MYO9A: variants seen among roughly 807,000 people sequenced by gnomAD.
MYO9A encodes myosin IXA, also known as unconventional myosin-IXa.
A neutral mutation model predicts 293.3 loss-of-function variants in MYO9A; 103 were observed. The ratio of observed to expected loss-of-function variants is 0.35; its 90% confidence interval spans 0.30 to 0.41. The LOEUF (loss-of-function observed/expected upper bound fraction) is 0.41. Among genes scored for constraint, MYO9A ranks in the 10% least tolerant of loss-of-function variants. The probability of loss-of-function intolerance (pLI) is 1.00; values close to 1 mark genes in which losing one functional copy is unlikely to be tolerated. For synonymous variants in MYO9A, 1,001 were observed against 1,035.7 expected (o/e 0.97, Z 0.64); for missense variants, 2,685 against 3,033.0 (o/e 0.89, Z 2.69).
intron 31 of MYO9A, among the ~76,000 whole-genome samples, chr15:71,876,354 CTT>C (rs2056685762): frequency 1.3e-5 from 2 of 149,838 alleles, no homozygotes; most frequent in Admixed American, 6.7e-5. Context: ...AAACCCCTGA[CTT>C]CATGATCCAC....
intron 13 of MYO9A, among the ~76,000 whole-genome samples, chr15:71,962,255 A>G (rs188808193): frequency 9.1e-4 from 139 of 152,328 alleles, no homozygotes; most frequent in Non-Finnish European, 1.6e-4. Context: ...TGGTAAGTAA[A>G]TCGCTCCAAG....
At chr15:71,999,783 C>A in intron 9 of MYO9A, 68 bp downstream of exon 9, 1 of 1,310,610 alleles carries the variant, frequency 7.6e-7, no homozygotes, top group Non-Finnish European at 1.1e-6. Flanking sequence ...TAAGAGAAAA[C>A]CCAAACTTCA....
intron 22 of MYO9A, 127 bp from the exon 23 acceptor site, chr15:71,901,467 A>G (rs2057481613): frequency 1.1e-6 from 1 of 915,182 alleles, no homozygotes; most frequent in Non-Finnish European, 1.6e-6. Flanking sequence ...TAAATGAAGT[A>G]CTGATAAATA....
chr15:71,914,730 G>A (rs4776581), intron 19 of MYO9A, among the ~76,000 whole-genome samples: 30,560 of 151,902 alleles, frequency 0.2, 3,311 homozygotes, highest in East Asian at 0.41. Context: ...CTTAATGGCC[G>A]ATTAGAAATA....
intron 12 of MYO9A, among the ~76,000 whole-genome samples, chr15:71,971,113 A>G (rs1490022581): frequency 2.0e-5 from 3 of 151,778 alleles, no homozygotes; most frequent in Non-Finnish European, 4.4e-5. Flanking sequence ...GTGAGCTGAG[A>G]TCGTGCCGCT....
chr15:71,890,702 C>G (rs546631466), intron 26 of MYO9A: 1 of 152,122 alleles, frequency 6.6e-6, no homozygotes, highest in South Asian at 2.1e-4. Flanking sequence ...CCTCCCACAG[C>G]AGGTAACAAC....
At chr15:71,884,775 T>C (rs2056971109) in intron 27 of MYO9A, among the ~76,000 whole-genome samples, 1 of 152,084 alleles carries the variant, frequency 6.6e-6, no homozygotes, top group Non-Finnish European at 1.5e-5. Flanking sequence ...TTAAAAAATT[T>C]TGAGTATGTA....
intron 18 of MYO9A, among the ~76,000 whole-genome samples, chr15:71,917,537 A>G (rs1456256929): frequency 6.6e-6 from 1 of 152,166 alleles, no homozygotes; most frequent in Non-Finnish European, 1.5e-5. Context: ...TCTGTCAAAA[A>G]CAAAAAACAA....
intron 39 of MYO9A, among the ~76,000 whole-genome samples, chr15:71,834,181 T>A (rs2054843960): frequency 6.6e-6 from 1 of 152,028 alleles, no homozygotes; most frequent in African/African-American, 2.4e-5. Flanking sequence ...CCAAAGAGGA[T>A]AAGAGACTAC....
At chr15:72,033,888 G>GA (rs2077956111) in intron 2 of MYO9A, among the ~76,000 whole-genome samples, 1 of 152,114 alleles carries the variant, frequency 6.6e-6, no homozygotes, top group Non-Finnish European at 1.5e-5. Flanking sequence ...AACAAAACTA[G>GA]AAAAGACACA....
intron 39 of MYO9A, among the ~76,000 whole-genome samples, chr15:71,841,810 G>GT (rs113118580): frequency 0.019 from 2,777 of 144,716 alleles, 34 homozygotes; most frequent in South Asian, 0.027. Flanking sequence ...TTTTTTTTTT[G>GT]TTTTTTTTGT....
chr15:71,974,103 AAAAC>A (rs371298200), intron 12 of MYO9A, among the ~76,000 whole-genome samples: 3,250 of 152,196 alleles, frequency 0.021, 109 homozygotes, highest in African/African-American at 0.075. Flanking sequence ...TGCCATTTAA[AAAAC>A]AAACAAACAA....
intron 1 of MYO9A, among the ~76,000 whole-genome samples, chr15:72,098,559 A>G (rs1227719675): frequency 6.6e-6 from 1 of 152,222 alleles, no homozygotes; most frequent in Non-Finnish European, 1.5e-5. Flanking sequence ...TTAAAGCAAT[A>G]CTTCATGGGA....
At chr15:72,072,016 G>A (rs1228941060) in intron 1 of MYO9A, among the ~76,000 whole-genome samples, 1 of 145,768 alleles carries the variant, frequency 6.9e-6, no homozygotes, top group Non-Finnish European at 1.5e-5. Flanking sequence ...AGGTTGCAGT[G>A]AGCCAAAATC....
At chr15:72,099,106 C>A (rs2150798376) in intron 1 of MYO9A, among the ~76,000 whole-genome samples, 2 of 152,208 alleles carry the variant, frequency 1.3e-5, no homozygotes, top group Middle Eastern at 6.8e-3. Flanking sequence ...TCAACCCTGG[C>A]AACACAGCCA....
intron 25 of MYO9A, among the ~76,000 whole-genome samples, chr15:71,896,538 G>C (rs961594762): frequency 6.6e-6 from 1 of 152,050 alleles, no homozygotes; most frequent in African/African-American, 2.4e-5. Context: ...CCAGCAATTT[G>C]GGGGGCAGAG....
chr15:71,999,750 T>C, intron 9 of MYO9A, 101 bp downstream of exon 9: 1 of 775,936 alleles, frequency 1.3e-6, no homozygotes, highest in Non-Finnish European at 2.0e-6. Context: ...CAAAACTTTT[T>C]GCCATTGTCA....
At chr15:71,878,796 G>C (rs570998692) in intron 30 of MYO9A, among the ~76,000 whole-genome samples, 30 of 141,872 alleles carry the variant, frequency 2.1e-4, no homozygotes, top group African/African-American at 7.3e-4. Flanking sequence ...ACCCAGGCTG[G>C]AGTGCAGTGG....
chr15:71,944,210 G>A (rs546502382), intron 15 of MYO9A, among the ~76,000 whole-genome samples: 91 of 152,046 alleles, frequency 6.0e-4, no homozygotes, highest in South Asian at 1.2e-3. Context: ...TCTTATTATT[G>A]TAGGAGTTTT....
Sources: allele counts gnomAD v4.1 joint callset (sites outside exome capture counted in the v4.1 genomes callset), GRCh38; gene constraint gnomAD v4.1.1; transcripts MANE v1.5; gene names NCBI Gene and HGNC (gene_info 2026-07-23, HGNC 2026-07-21).